CALN1: variants seen among roughly 807,000 people sequenced by gnomAD.
CALN1 encodes calneuron 1, also known as calcium-binding protein 8.
CALN1 carries 17 observed loss-of-function variants against 30.6 expected under a neutral mutation model. That is an observed-to-expected ratio of 0.56 (90% CI 0.38 to 0.83). The LOEUF (loss-of-function observed/expected upper bound fraction) is 0.83, where lower values mean the gene tolerates loss of function less well. Ranked by LOEUF, CALN1 falls within the 40% of genes least tolerant of loss-of-function variation. CALN1 has a pLI of 0.00. For synonymous variants in CALN1, 156 were observed against 131.4 expected (o/e 1.19, Z -1.28); for missense variants, 291 against 354.9 (o/e 0.82, Z 1.45).
At chr7:72,470,506 T>C in the CALN1 span, among the ~76,000 whole-genome samples, 4 of 152,174 alleles carry the variant, frequency 2.6e-5, no homozygotes, top group Non-Finnish European at 5.9e-5. Context: ...AGCAGAAATA[T>C]ACCTCCACTG....
At chr7:71,970,013 G>A (rs1006351402) in intron 5 of CALN1, among the ~76,000 whole-genome samples, 1 of 151,934 alleles carries the variant, frequency 6.6e-6, no homozygotes, top group Non-Finnish European at 1.5e-5. Context: ...TTGGTAGAGA[G>A]AGGGTCTCAC....
Position 72,391,779 on chromosome 7 carries a change from T to C in CALN1, c.119+11472A>G, listed in dbSNP as rs930975863. ...ACATGCCTTTCACCTTCTGCCATGA[T>C]TGTGAGCCACACCCCCAGCCACATG... On this transcript the variant is annotated intron_variant, in intron 2 of 6. Coordinates refer to ENST00000395275, the MANE Select transcript of CALN1 (RefSeq NM_031468.4). Among the ~76,000 whole-genome samples the C allele has an allele frequency of 2.6e-5, 4 of 152,208 alleles. No homozygotes were observed. The East Asian group carries it at 7.7e-4, about 29-fold the overall frequency.
intron 3 of CALN1, among the ~76,000 whole-genome samples, chr7:72,204,102 C>A (rs976034072): frequency 2.0e-5 from 3 of 148,562 alleles, no homozygotes; most frequent in Non-Finnish European, 3.0e-5. Context: ...CGCCGTTCTG[C>A]CTTAGCCTCC....
At chr7:71,861,697 G>A (rs1791287670) in intron 5 of CALN1, among the ~76,000 whole-genome samples, 1 of 147,982 alleles carries the variant, frequency 6.8e-6, no homozygotes, top group Non-Finnish European at 1.5e-5. Context: ...GAGGATTGCT[G>A]GACCCTGAGA....
the CALN1 span, among the ~76,000 whole-genome samples, chr7:72,487,613 G>C: frequency 1.3e-5 from 2 of 150,666 alleles, no homozygotes; most frequent in African/African-American, 4.9e-5. Context: ...GTGAACCCAG[G>C]AGGCAGAGGT....
chr7:71,915,605 A>G (rs1050916017), intron 5 of CALN1, among the ~76,000 whole-genome samples: 1 of 152,156 alleles, frequency 6.6e-6, no homozygotes, highest in Admixed American at 6.5e-5. Flanking sequence ...ATGGTGGTGC[A>G]TGCCTGTAGT....
At chr7:71,937,206 CTGCT>C (rs200896838) in intron 5 of CALN1, among the ~76,000 whole-genome samples, 11,308 of 151,916 alleles carry the variant, frequency 0.074, 722 homozygotes, top group East Asian at 0.21. Context: ...CCTTGGGAGG[CTGCT>C]TGAACAGGAG....
At chr7:72,421,387 C>T (rs1807603982) in intron 1 of CALN1, among the ~76,000 whole-genome samples, 1 of 152,016 alleles carries the variant, frequency 6.6e-6, no homozygotes, top group Admixed American at 6.6e-5. Context: ...AATTCTTATT[C>T]TTCATCCTTA....
At chr7:72,308,628 C>G (rs1312826354) in intron 2 of CALN1, among the ~76,000 whole-genome samples, 1 of 152,134 alleles carries the variant, frequency 6.6e-6, no homozygotes, top group East Asian at 1.9e-4. Flanking sequence ...ATGAGTCCCC[C>G]AGAGCTACCA....
intron 2 of CALN1, among the ~76,000 whole-genome samples, chr7:72,366,622 GC>G (rs1803893404): frequency 6.6e-6 from 1 of 151,994 alleles, no homozygotes; most frequent in Non-Finnish European, 1.5e-5. Flanking sequence ...TAGTTTTTTA[GC>G]CCTGGCCCCC....
chr7:71,884,357 G>A (rs1792771061), intron 5 of CALN1, among the ~76,000 whole-genome samples: 1 of 152,126 alleles, frequency 6.6e-6, no homozygotes, highest in African/African-American at 2.4e-5. Context: ...GGTGTAAGCT[G>A]CCTGTTTCCC....
At chr7:72,089,617 C>T (rs139522095) in intron 4 of CALN1, among the ~76,000 whole-genome samples, 6 of 152,156 alleles carry the variant, frequency 3.9e-5, no homozygotes, top group South Asian at 2.1e-4. Flanking sequence ...TAATTGTGAA[C>T]GGTCCCAGTG....
chr7:72,465,107 CCT>C, the CALN1 span, among the ~76,000 whole-genome samples: 1 of 152,148 alleles, frequency 6.6e-6, no homozygotes, highest in East Asian at 1.9e-4. Context: ...ATCTCAGATG[CCT>C]CTCTCTGCTC....
chr7:72,356,952 T>C (rs373398387), intron 2 of CALN1, among the ~76,000 whole-genome samples: 1 of 151,938 alleles, frequency 6.6e-6, no homozygotes, highest in East Asian at 1.9e-4. Flanking sequence ...AAGCTTTGGT[T>C]TTGCTTTGGT....
At chr7:72,140,363 G>A (rs1189293357) in intron 3 of CALN1, among the ~76,000 whole-genome samples, 2 of 139,826 alleles carry the variant, frequency 1.4e-5, no homozygotes, top group African/African-American at 2.6e-5. Context: ...AGGGAGGGAG[G>A]GAGGGAGGGA....
chr7:72,136,179 T>C (rs1809500895), intron 3 of CALN1, among the ~76,000 whole-genome samples: 1 of 77,476 alleles, frequency 1.3e-5, no homozygotes, highest in Non-Finnish European at 2.5e-5. Context: ...AAAGGGCTGG[T>C]TTTTTCTGCA....
intron 2 of CALN1, among the ~76,000 whole-genome samples, chr7:72,300,331 T>C (rs1489849407): frequency 6.6e-6 from 1 of 151,676 alleles, no homozygotes; most frequent in African/African-American, 2.4e-5. Flanking sequence ...GTAACTCTAT[T>C]TTTTTTTTCA....
intron 3 of CALN1, among the ~76,000 whole-genome samples, chr7:72,251,754 TGTG>T (rs935593393): frequency 6.6e-6 from 1 of 152,138 alleles, no homozygotes; most frequent in Non-Finnish European, 1.5e-5. Context: ...ATGAGTGAGT[TGTG>T]GTGATGGAAA....
At chr7:72,143,306 G>C (rs549117104) in intron 3 of CALN1, among the ~76,000 whole-genome samples, 169 of 152,314 alleles carry the variant, frequency 1.1e-3, no homozygotes, top group Admixed American at 2.4e-3. Flanking sequence ...GAAAACCATG[G>C]CACGAGAACT....
Sources: gnomAD v4.1 joint callset for allele counts (sites outside exome capture counted in the v4.1 genomes callset) on GRCh38, gnomAD v4.1.1 for gene constraint, MANE v1.5 for transcripts, NCBI Gene and HGNC (gene_info 2026-07-23, HGNC 2026-07-21) for gene names.